The following CTNND2 variants were observed in gnomAD, a reference collection of about 807,000 sequenced individuals.
CTNND2 encodes the protein catenin delta 2.
A neutral mutation model predicts 144.4 loss-of-function variants in CTNND2; 22 were observed. The observed-to-expected ratio is 0.15, with a 90% CI of 0.11 to 0.22. The LOEUF is 0.22. Ranked by LOEUF, CTNND2 falls within the 10% of genes least tolerant of loss-of-function variation. The pLI is 1.00. For missense variants in CTNND2, 1,353 were observed against 1,618.8 expected (o/e 0.84, Z 2.82); for synonymous variants, 751 against 695.6 (o/e 1.08, Z -1.25).
chr5:11,014,771 A>C (rs1741436902), intron 18 of CTNND2, among the ~76,000 whole-genome samples: 1 of 152,206 alleles, frequency 6.6e-6, no homozygotes, highest in Non-Finnish European at 1.5e-5. Flanking sequence ...TGGGTTCGAC[A>C]AGAAAATGAG....
At chr5:11,829,773 A>C (rs1036125776) in intron 1 of CTNND2, among the ~76,000 whole-genome samples, 5 of 152,180 alleles carry the variant, frequency 3.3e-5, no homozygotes, top group Non-Finnish European at 5.9e-5. Flanking sequence ...CTGTGAGAAG[A>C]GGGCCACCAT....
chr5:11,692,053 TA>T lies in CTNND2; in HGVS notation c.174+40082del, dbSNP rs557259262. On this transcript the variant is annotated intron_variant, in intron 2 of 21. Coordinates refer to ENST00000304623, the MANE Select transcript of CTNND2 (RefSeq NM_001332.4). ...AAAAACTGTATGATTGAAACTGGTT[TA>T]AAAAAAAGTTTTCCTAATATCTAAG... Among the ~76,000 whole-genome samples the T allele has an allele frequency of 3.3e-5, 5 of 152,142 alleles. No homozygotes were observed. In the East Asian group the frequency reaches 5.8e-4, roughly 18 times the overall value.
chr5:10,993,073 G>T (rs1738887630), intron 18 of CTNND2, among the ~76,000 whole-genome samples: 1 of 152,094 alleles, frequency 6.6e-6, no homozygotes, highest in Non-Finnish European at 1.5e-5. Flanking sequence ...TTCCACAAGG[G>T]TTTACCCCTT....
At chr5:11,086,550 C>G (rs138619502) in intron 15 of CTNND2, among the ~76,000 whole-genome samples, 4 of 152,278 alleles carry the variant, frequency 2.6e-5, no homozygotes, top group African/African-American at 4.8e-5. Context: ...TCTTTCCTTT[C>G]TATTTGTTGG....
rs539202269 is a variant in CTNND2 at position 11,760,893 on chromosome 5, T to C, written c.38-28621A>G. On this transcript the variant is annotated intron_variant, in intron 1 of 21. Transcript: ENST00000304623. The stretch of plus-strand genomic sequence containing the variant: ...CAACCATGGTCTCAACACTTATTGG[T>C]TGAATGAATGAACGAATGAACAGTA... 9.2e-5 allele frequency among the ~76,000 whole-genome samples: 14 copies of C among 152,276 alleles called. No homozygotes were observed. The South Asian group carries it at 1.2e-3, about 14-fold the overall frequency.
At chr5:11,038,593 C>A (rs1463284845) in intron 16 of CTNND2, among the ~76,000 whole-genome samples, 1 of 152,102 alleles carries the variant, frequency 6.6e-6, no homozygotes, top group African/African-American at 2.4e-5. Context: ...AAACTTGGAG[C>A]TCAGAGAGAT....
Position 11,829,529 on chromosome 5 carries a change from A to G in CTNND2, c.37+74288T>C, listed in dbSNP as rs953590103. Among the ~76,000 whole-genome samples, 5 of 152,326 alleles carry G rather than the reference A, an allele frequency of 3.3e-5. No individual in the cohort carries two copies. The East Asian group carries it at 7.7e-4, about 24-fold the overall frequency. ...TGGCTTCACAGTGTACAAAGCCCCAAGCGTTGTCAGCTTCCATATGGTGTT... is the reference window on the plus strand; with the variant it reads ...TGGCTTCACAGTGTACAAAGCCCCAGGCGTTGTCAGCTTCCATATGGTGTT... On this transcript the variant is annotated intron_variant, in intron 1 of 21. Coordinates refer to ENST00000304623, the MANE Select transcript of CTNND2 (RefSeq NM_001332.4).
At chr5:11,166,415 A>C (rs547265461) in intron 11 of CTNND2, among the ~76,000 whole-genome samples, 30 of 151,330 alleles carry the variant, frequency 2.0e-4, no homozygotes, top group Non-Finnish European at 3.8e-4. Flanking sequence ...CGCCCGGCTA[A>C]ATTTTTTGTA....
rs531239984 is a variant in CTNND2 at position 11,684,431 on chromosome 5, G to A, written c.174+47705C>T. 1.2e-3 allele frequency among the ~76,000 whole-genome samples: 176 copies of A among 152,166 alleles called. 2 individuals carry two copies. In the South Asian group the frequency reaches 0.026, roughly 22 times the overall value. ...TGTTATTTTTAATAGAAGAGAAATA[G>A]TGTAAATATTTAATGAGACATATTT... On this transcript the variant is annotated intron_variant, in intron 2 of 21. Coordinates refer to ENST00000304623, the MANE Select transcript of CTNND2 (RefSeq NM_001332.4).
At chr5:11,767,814 G>A (rs10067007) in intron 1 of CTNND2, among the ~76,000 whole-genome samples, 14,494 of 152,142 alleles carry the variant, frequency 0.095, 1,877 homozygotes, top group African/African-American at 0.29. Context: ...TGTTGACAGA[G>A]CCTTCATCGC....
chr5:11,074,471 TTGAAG>T (rs1233295136), intron 16 of CTNND2, among the ~76,000 whole-genome samples: 1 of 152,228 alleles, frequency 6.6e-6, no homozygotes, highest in African/African-American at 2.4e-5. Context: ...CCATTTGTCA[TTGAAG>T]TGGAGACACA....
intron 8 of CTNND2, among the ~76,000 whole-genome samples, chr5:11,346,892 G>A (rs1038416045): frequency 6.6e-6 from 1 of 152,174 alleles, no homozygotes; most frequent in South Asian, 2.1e-4. Flanking sequence ...TCCAACAGAA[G>A]GTGTGTTCAG....
At chr5:10,991,127 G>A (rs193296540) in intron 19 of CTNND2, among the ~76,000 whole-genome samples, 1 of 152,346 alleles carries the variant, frequency 6.6e-6, no homozygotes, top group East Asian at 1.9e-4. Context: ...TGGACTAAAT[G>A]TGATAAGCAA....
intron 15 of CTNND2, among the ~76,000 whole-genome samples, chr5:11,084,899 C>G (rs1749968166): frequency 6.6e-6 from 1 of 152,074 alleles, no homozygotes; most frequent in Non-Finnish European, 1.5e-5. Context: ...TTTTATGCTG[C>G]TGACATTATA....
intron 10 of CTNND2, among the ~76,000 whole-genome samples, chr5:11,235,857 T>C (rs1205709455): frequency 6.6e-6 from 1 of 152,174 alleles, no homozygotes; most frequent in African/African-American, 2.4e-5. Flanking sequence ...CTATAATAAA[T>C]TGCAATTTTA....
intron 2 of CTNND2, among the ~76,000 whole-genome samples, chr5:11,696,324 T>G (rs1243322231): frequency 6.6e-6 from 1 of 152,248 alleles, no homozygotes; most frequent in Non-Finnish European, 1.5e-5. Context: ...ATTTAAAATA[T>G]GTGAAAAATC....
chr5:11,044,530 C>CA (rs59308721), intron 16 of CTNND2, among the ~76,000 whole-genome samples: 2,439 of 138,082 alleles, frequency 0.018, 27 homozygotes, highest in Non-Finnish European at 0.026. Flanking sequence ...CACATGCTTG[C>CA]AAAAAAAAAA....
At chr5:11,075,166 A>G (rs375194233) in intron 16 of CTNND2, among the ~76,000 whole-genome samples, 2 of 152,140 alleles carry the variant, frequency 1.3e-5, no homozygotes, top group Admixed American at 6.5e-5. Context: ...CTTCCCTTCC[A>G]TCTTGGTTGG....
chr5:11,473,798 C>T (rs1037265074), intron 3 of CTNND2, among the ~76,000 whole-genome samples: 1 of 152,202 alleles, frequency 6.6e-6, no homozygotes, highest in Admixed American at 6.5e-5. Context: ...GAGACCAGAG[C>T]ATCCAAGAAG....
Sources: allele counts gnomAD v4.1 joint callset (sites outside exome capture counted in the v4.1 genomes callset), GRCh38; gene constraint gnomAD v4.1.1; transcripts MANE v1.5; gene names NCBI Gene and HGNC (gene_info 2026-07-23, HGNC 2026-07-21).